Variants in FRMD4B observed in about 807,000 individuals in gnomAD.
FRMD4B encodes FERM domain containing 4B.
A neutral mutation model predicts 141.5 loss-of-function variants in FRMD4B; 74 were observed. That is an observed-to-expected ratio of 0.52 (90% CI 0.43 to 0.63). FRMD4B has a LOEUF of 0.63. Ranked by LOEUF, FRMD4B falls within the 30% of genes least tolerant of loss-of-function variation. The pLI, the probability that FRMD4B is intolerant of heterozygous loss-of-function variation, is 0.00. For synonymous variants in FRMD4B, 506 were observed against 467.9 expected (o/e 1.08, Z -1.05); for missense variants, 1,366 against 1,253.4 (o/e 1.09, Z -1.36).
chr3:69,408,583 A>G (rs1304913958), intron 2 of FRMD4B, among the ~76,000 whole-genome samples: 1 of 152,216 alleles, frequency 6.6e-6, no homozygotes, highest in East Asian at 1.9e-4. Context: ...TGAGTGGAAA[A>G]TGCTGTAAAA....
rs145113241 is a variant in FRMD4B at position 69,460,213 on chromosome 3, G to A, written c.-128-27452C>T. ...ATAAAGGGAAGGCGTTCTGGCATGCGTGAAAGTTACGATGCCAGATGACAA... is the reference window on the plus strand; with the variant it reads ...ATAAAGGGAAGGCGTTCTGGCATGCATGAAAGTTACGATGCCAGATGACAA... On this transcript the variant is annotated intron_variant, in intron 1 of 5. Transcript: ENST00000459638. 2.3e-3 allele frequency among the ~76,000 whole-genome samples: 354 copies of A among 152,276 alleles called. 1 individual carries two copies. Among genetic ancestry groups the A allele is most frequent in the Non-Finnish European group, 2.9e-3 (196 of 68,020 alleles).
intron 9 of FRMD4B, among the ~76,000 whole-genome samples, chr3:69,219,327 C>T (rs181769886): frequency 4.0e-5 from 6 of 151,148 alleles, no homozygotes; most frequent in Admixed American, 2.0e-4. Flanking sequence ...CCTGTTTTAA[C>T]GCAAGTAGAC....
rs373976205 is a variant in FRMD4B, at chr3:69,457,464, G to A, written c.-128-24703C>T. On this transcript the variant is annotated intron_variant, in intron 1 of 5. Coordinates refer to the FRMD4B transcript ENST00000459638. ...AATAAAATATTAGTCTACATAAAAAGCAACAATGTTTCTACCAGTCTTTGA... is the reference window on the plus strand; with the variant it reads ...AATAAAATATTAGTCTACATAAAAAACAACAATGTTTCTACCAGTCTTTGA... 7.4e-4 allele frequency among the ~76,000 whole-genome samples: 113 copies of A among 152,280 alleles called. 2 individuals are homozygous for A. The highest frequency in any genetic ancestry group is 2.6e-3 in the African/African-American group (107 of 41,548).
intron 13 of FRMD4B, 91 bp downstream of exon 13, chr3:69,196,809 T>C: frequency 4.1e-6 from 4 of 980,120 alleles, no homozygotes; most frequent in South Asian, 1.7e-5. Context: ...AGCAAAAATA[T>C]ATGTGCTTGC....
chr3:69,411,790 C>T (rs1160187787), intron 2 of FRMD4B, among the ~76,000 whole-genome samples: 1 of 152,204 alleles, frequency 6.6e-6, no homozygotes, highest in Non-Finnish European at 1.5e-5. Flanking sequence ...AATCTAGTTT[C>T]ACCACGCACT....
chr3:69,465,907 C>T (rs1007291944), intron 1 of FRMD4B, among the ~76,000 whole-genome samples: 10 of 152,222 alleles, frequency 6.6e-5, no homozygotes, highest in East Asian at 3.9e-4. Flanking sequence ...GTATACACCC[C>T]GTAATGGGAT....
Position 69,181,701 on chromosome 3 carries a change from A to T in FRMD4B, c.2049T>A (p.Ser683=). 6.2e-7 allele frequency: 1 copy of T among 1,608,922 alleles called. No homozygotes were observed. Among genetic ancestry groups the T allele is most frequent in the Non-Finnish European group, 8.5e-7 (1 of 1,176,938 alleles). The change falls in exon 21 of 23, where the codon TCT becomes TCA. Residue 683 remains serine, a synonymous_variant. Coordinates refer to ENST00000398540, the MANE Select transcript of FRMD4B (RefSeq NM_015123.3). ...AYSSSHLEPE[S]SSQHCRQRSG... ...TCCGCTGGCGGCAGTGCTGAGATGA[A>T]GATTCGGGTCTGAAAGAGGAGAAAG...
At position 69,226,246 on chromosome 3, in the gene FRMD4B, T is replaced by C. The variant is rs114961390; in HGVS notation, c.582-1556A>G. ...CATAAGAATAAATCTCTCTATTCAT[T>C]TGAAATCTGAGAGTTATGGCTTAAC... On this transcript the variant is annotated intron_variant, in intron 7 of 22. Transcript: ENST00000398540. Among the ~76,000 whole-genome samples the C allele has an allele frequency of 2.5e-3, 375 of 152,318 alleles. 1 individual carries two copies. The highest frequency in any genetic ancestry group is 8.9e-3 in the African/African-American group (369 of 41,568).
Position 69,407,943 on chromosome 3 carries a change from G to T in FRMD4B, c.-1+24691C>A, listed in dbSNP as rs577847586. Among the ~76,000 whole-genome samples the T allele has an allele frequency of 5.1e-4, 78 of 152,232 alleles. 1 individual carries two copies. The highest frequency in any genetic ancestry group is 9.3e-4 in the Non-Finnish European group (63 of 68,018). On this transcript the variant is annotated intron_variant, in intron 2 of 5. Coordinates refer to the FRMD4B transcript ENST00000459638. ...CATGTGGGGGAAAAAGGAGTTAGGGGGTCACGGAAAAGCGTCTGTGGCGTT... is the reference window on the plus strand; with the variant it reads ...CATGTGGGGGAAAAAGGAGTTAGGGTGTCACGGAAAAGCGTCTGTGGCGTT...
intron 2 of FRMD4B, among the ~76,000 whole-genome samples, chr3:69,420,149 G>T (rs892963402): frequency 3.9e-5 from 6 of 152,112 alleles, no homozygotes; most frequent in African/African-American, 9.7e-5. Context: ...GAGCCACTGT[G>T]CCTGGCCAGG....
intron 7 of FRMD4B, among the ~76,000 whole-genome samples, chr3:69,240,544 T>G (rs952813843): frequency 5.3e-5 from 8 of 151,852 alleles, no homozygotes; most frequent in Non-Finnish European, 1.0e-4. Context: ...CAGATAATGT[T>G]TTCCTACAAA....
At chr3:69,277,823 C>A (rs758162198) in intron 5 of FRMD4B, among the ~76,000 whole-genome samples, 2 of 150,616 alleles carry the variant, frequency 1.3e-5, no homozygotes, top group Non-Finnish European at 3.0e-5. Flanking sequence ...AGCCACAGCG[C>A]CCGTCCATTG....
At chr3:69,541,808 G>A (rs1274551556) in intron 1 of FRMD4B, among the ~76,000 whole-genome samples, 4 of 143,786 alleles carry the variant, frequency 2.8e-5, no homozygotes, top group Non-Finnish European at 6.0e-5. Context: ...TCTTTTCGCT[G>A]CCTTTTAGAA....
chr3:69,329,659 C>T (rs1246196302), intron 1 of FRMD4B, among the ~76,000 whole-genome samples: 3 of 150,548 alleles, frequency 2.0e-5, no homozygotes, highest in Non-Finnish European at 4.4e-5. Context: ...TCCCGAGTAG[C>T]TGGGATTACA....
At chr3:69,424,479 T>A (rs573375045) in intron 2 of FRMD4B, among the ~76,000 whole-genome samples, 1 of 152,302 alleles carries the variant, frequency 6.6e-6, no homozygotes, top group South Asian at 2.1e-4. Flanking sequence ...TTAAGGCACA[T>A]GTGCCTTAGT....
At chr3:69,442,096 C>CT (rs555745880) in intron 1 of FRMD4B, among the ~76,000 whole-genome samples, 3,301 of 142,346 alleles carry the variant, frequency 0.023, 109 homozygotes, top group African/African-American at 0.074. Flanking sequence ...AAAGAAGTTT[C>CT]TTTTTTTTTT....
At chr3:69,375,525 G>C (rs1177050765) in intron 1 of FRMD4B, among the ~76,000 whole-genome samples, 2 of 152,030 alleles carry the variant, frequency 1.3e-5, no homozygotes, top group African/African-American at 4.8e-5. Context: ...ACCAGTAAAA[G>C]GTGAGTTACG....
intron 19 of FRMD4B, among the ~76,000 whole-genome samples, chr3:69,186,108 T>C (rs1335502454): frequency 6.6e-6 from 1 of 152,028 alleles, no homozygotes; most frequent in Non-Finnish European, 1.5e-5. Context: ...GAAATTAACA[T>C]TACATTAAGT....
chr3:69,254,918 G>A (rs947506270), intron 5 of FRMD4B, among the ~76,000 whole-genome samples: 2 of 152,020 alleles, frequency 1.3e-5, no homozygotes, highest in African/African-American at 4.8e-5. Flanking sequence ...GATCCAATCT[G>A]AGGGATATTC....
Sources: gnomAD v4.1 joint callset for allele counts (sites outside exome capture counted in the v4.1 genomes callset) on GRCh38, gnomAD v4.1.1 for gene constraint, MANE v1.5 for transcripts, NCBI Gene and HGNC (gene_info 2026-07-23, HGNC 2026-07-21) for gene names.